DSTN: variants seen among roughly 807,000 people sequenced by gnomAD.
The protein encoded by DSTN is destrin, actin depolymerizing factor.
Under a neutral mutation model 16.8 loss-of-function variants are expected in DSTN, and 10 were observed. The observed-to-expected ratio is 0.60, with a 90% confidence interval of 0.37 to 1.01. DSTN has a LOEUF of 1.01. DSTN is among the 50% of genes least tolerant of loss of function. The pLI, the probability that DSTN is intolerant of heterozygous loss-of-function variation, is 0.01. For missense variants in DSTN, 141 were observed against 196.7 expected (o/e 0.72, Z 1.69); for synonymous variants, 57 against 58.9 (o/e 0.97, Z 0.14).
At chr20:17,589,872 C>A (rs1369276054) in intron 1 of DSTN, among the ~76,000 whole-genome samples, 3 of 152,182 alleles carry the variant, frequency 2.0e-5, no homozygotes, top group African/African-American at 7.2e-5. Flanking sequence ...CAGACTTTAC[C>A]TTAGAAAAAA....
At chr20:17,584,036 G>T (rs2035379709) in intron 1 of DSTN, among the ~76,000 whole-genome samples, 1 of 152,082 alleles carries the variant, frequency 6.6e-6, no homozygotes, top group African/African-American at 2.4e-5. Context: ...ATTACACCCA[G>T]CCCAGGGTTT....
In DSTN at chr20:17,570,122, T is replaced by G; in HGVS notation, c.-87T>G. Reference sequence around the variant, plus strand: ...CCGCGTCAGCTCAGCGCTGGGTCTCTCGGTCCCGCAGCCGTGAGGAGGACG... The same window carrying G: ...CCGCGTCAGCTCAGCGCTGGGTCTCGCGGTCCCGCAGCCGTGAGGAGGACG... On this transcript the variant is annotated 5_prime_UTR_variant, in exon 1 of 4. Coordinates refer to ENST00000246069, the MANE Select transcript of DSTN (RefSeq NM_006870.4). 1.3e-6 allele frequency: 2 copies of G among 1,505,026 alleles called. No individual in the cohort carries two copies. Among genetic ancestry groups the G allele is most frequent in the East Asian group, 5.6e-5 (2 of 35,902 alleles). 93.2% of individuals were successfully genotyped at this position (1,505,026 alleles called of 1,614,324 possible). A position where few individuals can be genotyped will look rare whatever the true frequency, so the allele number is the denominator to read the frequency against.
chr20:17,574,519 A>G (rs891124630), intron 1 of DSTN, among the ~76,000 whole-genome samples: 1 of 152,054 alleles, frequency 6.6e-6, no homozygotes, highest in Admixed American at 6.6e-5. Flanking sequence ...TATGGGAACA[A>G]TGCACTTCTG....
At chr20:17,605,741 ATTATC>A (rs2035635580) in intron 3 of DSTN, among the ~76,000 whole-genome samples, 1 of 152,096 alleles carries the variant, frequency 6.6e-6, no homozygotes, top group South Asian at 2.1e-4. Flanking sequence ...TGGATTCCTT[ATTATC>A]TTTATTCTGC....
intron 1 of DSTN, among the ~76,000 whole-genome samples, chr20:17,581,843 G>C (rs1466421539): frequency 2.0e-5 from 3 of 152,056 alleles, no homozygotes; most frequent in Non-Finnish European, 4.4e-5. Context: ...TTTCATAGTT[G>C]ATTATATAAA....
intron 1 of DSTN, among the ~76,000 whole-genome samples, chr20:17,583,903 T>C (rs2035377309): frequency 6.6e-6 from 1 of 151,914 alleles, no homozygotes; most frequent in Non-Finnish European, 1.5e-5. Context: ...TCCCTGGCAA[T>C]TTTAAAAAGT....
intron 1 of DSTN, among the ~76,000 whole-genome samples, chr20:17,582,005 C>A (rs1044107308): frequency 5.9e-5 from 9 of 151,824 alleles, no homozygotes; most frequent in African/African-American, 2.2e-4. Flanking sequence ...TTCTAGGAAC[C>A]TGGCACTGTT....
chr20:17,604,106 T>C (rs1398037363), intron 2 of DSTN, among the ~76,000 whole-genome samples: 1 of 152,252 alleles, frequency 6.6e-6, no homozygotes, highest in African/African-American at 2.4e-5. Context: ...TTACGGATTA[T>C]TCTCTGTACT....
chr20:17,571,447 A>G (rs1568727426), intron 1 of DSTN, among the ~76,000 whole-genome samples: 3 of 152,228 alleles, frequency 2.0e-5, no homozygotes, highest in Admixed American at 2.0e-4. Flanking sequence ...GTAGATATGT[A>G]TGTAATAGGG....
At chr20:17,597,758 A>T (rs916896314) in intron 1 of DSTN, among the ~76,000 whole-genome samples, 28 of 152,202 alleles carry the variant, frequency 1.8e-4, no homozygotes, top group African/African-American at 6.8e-4. Context: ...TTTTCAGTAT[A>T]TTCACAGTTG....
chr20:17,589,041 A>C (rs1199796337), intron 1 of DSTN, among the ~76,000 whole-genome samples: 2 of 152,160 alleles, frequency 1.3e-5, no homozygotes, highest in Non-Finnish European at 2.9e-5. Context: ...GAGGGAGTCT[A>C]GGGATCTTTG....
At chr20:17,594,152 A>G (rs2035500708) in intron 1 of DSTN, among the ~76,000 whole-genome samples, 1 of 152,158 alleles carries the variant, frequency 6.6e-6, no homozygotes, top group South Asian at 2.1e-4. Flanking sequence ...ATGGAAAGCC[A>G]CTGGACTGTT....
chr20:17,573,427 G>C (rs535227798), intron 1 of DSTN, among the ~76,000 whole-genome samples: 1 of 151,946 alleles, frequency 6.6e-6, no homozygotes, highest in Non-Finnish European at 1.5e-5. Flanking sequence ...CCATTCCCCT[G>C]TTGATAGACA....
intron 1 of DSTN, among the ~76,000 whole-genome samples, chr20:17,571,510 A>G (rs2035206872): frequency 6.6e-6 from 1 of 152,254 alleles, no homozygotes; most frequent in African/African-American, 2.4e-5. Flanking sequence ...TGTAAGCTAC[A>G]AAGTATCAGC....
At chr20:17,591,111 TC>T (rs573611964) in intron 1 of DSTN, among the ~76,000 whole-genome samples, 1 of 151,536 alleles carries the variant, frequency 6.6e-6, no homozygotes, top group South Asian at 2.1e-4. Context: ...CTGTCCCCCT[TC>T]CCCCCCAGAA....
In DSTN at chr20:17,609,195, A is replaced by G. The variant is rs779535484; in HGVS notation, c.*2049A>G. 1 of 152,084 alleles carries G rather than the reference A, an allele frequency of 6.6e-6. No individual in the cohort carries two copies. Among genetic ancestry groups the G allele is most frequent in the Non-Finnish European group, 1.5e-5 (1 of 68,004 alleles). 9.4% of individuals were successfully genotyped at this position (152,084 alleles called of 1,614,324 possible). A position where few individuals can be genotyped will look rare whatever the true frequency, so the allele number is the denominator to read the frequency against. On this transcript the variant is annotated 3_prime_UTR_variant, in exon 4 of 4. Transcript: ENST00000246069. ...TTGCTTGTTTCTTTACTTTGTAGCAATGCTTTTAGTGTGGGTTTTGTTTTT... is the reference window on the plus strand; with the variant it reads ...TTGCTTGTTTCTTTACTTTGTAGCAGTGCTTTTAGTGTGGGTTTTGTTTTT...
Position 17,580,741 on chromosome 20 carries a change from T to A in DSTN, c.3+10530T>A, listed in dbSNP as rs1342121820. ...CCAGCCTGGGGGACAAGAGTGAAAC[T>A]CCGTCTCAAAAAAAAAAAAAAATGG... On this transcript the variant is annotated intron_variant, in intron 1 of 3. Coordinates refer to ENST00000246069, the MANE Select transcript of DSTN (RefSeq NM_006870.4). Among the ~76,000 whole-genome samples the A allele has an allele frequency of 1.0e-4, 15 of 146,898 alleles. No individual in the cohort carries two copies. In the East Asian group the frequency reaches 3.0e-3, roughly 29 times the overall value.
At chr20:17,596,208 A>C (rs1011181492) in intron 1 of DSTN, among the ~76,000 whole-genome samples, 4 of 151,652 alleles carry the variant, frequency 2.6e-5, no homozygotes, top group African/African-American at 9.7e-5. Flanking sequence ...ACCTCTTTTT[A>C]GTGTCCTTGA....
At chr20:17,593,953 G>A (rs888921069) in intron 1 of DSTN, among the ~76,000 whole-genome samples, 7 of 151,992 alleles carry the variant, frequency 4.6e-5, no homozygotes, top group African/African-American at 1.7e-4. Flanking sequence ...ATGGTGGCAC[G>A]TGCTTATAGT....
Sources: gnomAD v4.1 joint callset for allele counts (sites outside exome capture counted in the v4.1 genomes callset) on GRCh38, gnomAD v4.1.1 for gene constraint, MANE v1.5 for transcripts, NCBI Gene and HGNC (gene_info 2026-07-23, HGNC 2026-07-21) for gene names.